RAB11FIP4: variants seen among roughly 807,000 people sequenced by gnomAD.
RAB11FIP4 encodes RAB11 family interacting protein 4.
In RAB11FIP4, 23 loss-of-function variants were observed where a neutral mutation model predicts 74.3. That is an observed-to-expected ratio of 0.31 (90% confidence interval 0.22 to 0.44). The LOEUF (loss-of-function observed/expected upper bound fraction) is 0.44. RAB11FIP4 is among the 20% of genes least tolerant of loss of function. The pLI, the probability that RAB11FIP4 is intolerant of heterozygous loss-of-function variation, is 1.00. For missense variants in RAB11FIP4, 630 were observed against 863.9 expected, an observed-to-expected ratio of 0.73 and a Z score of 3.39; for synonymous variants, 360 against 359.9, an observed-to-expected ratio of 1.00 and a Z score of 0.00.
At chr17:31,523,340 G>A (rs1401263013) in intron 7 of RAB11FIP4, 172 bp from the exon 8 acceptor site, 1 of 650,912 alleles carries the variant, frequency 1.5e-6, no homozygotes, top group East Asian at 2.7e-5. Context: ...CATCCTCTGG[G>A]CGGGGTGATC....
chr17:31,492,073 G>A (rs1414314482), intron 3 of RAB11FIP4, among the ~76,000 whole-genome samples: 2 of 152,230 alleles, frequency 1.3e-5, no homozygotes, highest in Non-Finnish European at 2.9e-5. Flanking sequence ...CTGTCGGGTA[G>A]GGACAGGTCC....
At chr17:31,491,468 G>A (rs2072007213) in intron 3 of RAB11FIP4, among the ~76,000 whole-genome samples, 1 of 152,224 alleles carries the variant, frequency 6.6e-6, no homozygotes, top group Admixed American at 6.5e-5. Context: ...GCAGGGAAGG[G>A]GAGGGAGTGC....
intron 3 of RAB11FIP4, among the ~76,000 whole-genome samples, chr17:31,505,848 G>A (rs879228868): frequency 6.8e-6 from 1 of 146,688 alleles, no homozygotes; most frequent in Non-Finnish European, 1.5e-5. Flanking sequence ...TGAGATTACA[G>A]GCATGCACCA....
intron 3 of RAB11FIP4, among the ~76,000 whole-genome samples, chr17:31,437,177 A>G (rs899515869): frequency 6.6e-6 from 1 of 152,054 alleles, no homozygotes; most frequent in Admixed American, 6.6e-5. Flanking sequence ...AGCCTTGTTC[A>G]TTATGCTCGC....
chr17:31,507,237 C>T (rs2072368300), intron 3 of RAB11FIP4, among the ~76,000 whole-genome samples: 1 of 152,188 alleles, frequency 6.6e-6, no homozygotes, highest in South Asian at 2.1e-4. Flanking sequence ...CAAGATCGTG[C>T]TATTGCACTC....
chr17:31,509,353 C>G (rs2142789613), intron 3 of RAB11FIP4: 1 of 152,376 alleles, frequency 6.6e-6, no homozygotes, highest in East Asian at 1.9e-4. Flanking sequence ...GTCTGCAGGC[C>G]CACCTTAGGA....
chr17:31,493,672 G>A (rs1161862672), intron 3 of RAB11FIP4, among the ~76,000 whole-genome samples: 2 of 152,164 alleles, frequency 1.3e-5, no homozygotes, highest in Admixed American at 1.3e-4. Context: ...GAAAAAATGG[G>A]CGCCAGAAAA....
rs1379606401 is a variant in RAB11FIP4 at position 31,394,828 on chromosome 17, T to C, written c.159+2817T>C. On this transcript the variant is annotated intron_variant, in intron 1 of 14. Coordinates refer to ENST00000621161, the MANE Select transcript of RAB11FIP4 (RefSeq NM_032932.6). ...GGGGTGGTTTTCGGCTTATGCTGTATTGACCGAGACCCGTGGAAATATATT... is the reference window on the plus strand; with the variant it reads ...GGGGTGGTTTTCGGCTTATGCTGTACTGACCGAGACCCGTGGAAATATATT... 4.6e-5 allele frequency among the ~76,000 whole-genome samples: 7 copies of C among 151,086 alleles called. No homozygotes were observed. The South Asian group carries it at 1.0e-3, about 23-fold the overall frequency.
At chr17:31,480,316 G>C (rs960704496) in intron 3 of RAB11FIP4, among the ~76,000 whole-genome samples, 1 of 152,080 alleles carries the variant, frequency 6.6e-6, no homozygotes, top group East Asian at 1.9e-4. Flanking sequence ...GCCAGGCCTC[G>C]GCCCTGAAGG....
intron 1 of RAB11FIP4, among the ~76,000 whole-genome samples, chr17:31,411,852 C>T (rs1009656873): frequency 2.6e-5 from 4 of 152,352 alleles, no homozygotes; most frequent in South Asian, 2.1e-4. Flanking sequence ...GGCGTCCTTC[C>T]GAGGAGAAGG....
At chr17:31,489,594 G>A (rs977344678) in intron 3 of RAB11FIP4, among the ~76,000 whole-genome samples, 3 of 152,112 alleles carry the variant, frequency 2.0e-5, no homozygotes, top group African/African-American at 7.2e-5. Context: ...CATTACACAC[G>A]GGACACTTCC....
At chr17:31,448,411 T>TTTTTTTTTTTTTTTTTCC (rs2071491007) in intron 3 of RAB11FIP4, 1 of 146,118 alleles carries the variant, frequency 6.8e-6, no homozygotes, top group Non-Finnish European at 1.5e-5. Context: ...TTTTTTTTTT[T>TTTTTTTTTTTTTTTTTCC]GGCAGAGACC....
intron 3 of RAB11FIP4, among the ~76,000 whole-genome samples, chr17:31,459,296 T>C (rs1323119043): frequency 1.3e-5 from 2 of 152,128 alleles, no homozygotes; most frequent in African/African-American, 2.4e-5. Context: ...CATGTGGTCT[T>C]GGGCAAAGCA....
chr17:31,476,009 A>T (rs1406917934), intron 3 of RAB11FIP4, among the ~76,000 whole-genome samples: 2 of 152,030 alleles, frequency 1.3e-5, no homozygotes, highest in African/African-American at 4.8e-5. Flanking sequence ...AGACATGCTT[A>T]AAACAAGGTT....
intron 3 of RAB11FIP4, among the ~76,000 whole-genome samples, chr17:31,515,840 G>A (rs946039137): frequency 6.6e-6 from 1 of 152,156 alleles, no homozygotes; most frequent in African/African-American, 2.4e-5. Flanking sequence ...CTCGGTCTAG[G>A]GCCAACTCTG....
rs1567690321 is a variant in RAB11FIP4, at chr17:31,521,324, A to G, written c.722A>G (p.Asn241Ser). The change falls in exon 5 of 15, where the codon AAC becomes AGC. Residue 241 changes from asparagine (N) to serine (S), a missense_variant. By Grantham distance (46) the Asn-to-Ser change is conservative. Coordinates refer to ENST00000621161, the MANE Select transcript of RAB11FIP4 (RefSeq NM_032932.6). ...TGCCCCGATGATGAGACCAGGACCA[A>G]CGTCTACTCGGACCTGGGGTCTTCG... ...SPCPDDETRT[N>S]VYSDLGSSVS... The G allele has an allele frequency of 6.2e-7, 1 of 1,613,238 alleles. No homozygotes were observed. Among genetic ancestry groups the G allele is most frequent in the South Asian group, 1.1e-5 (1 of 91,006 alleles).
rs533909972 is a variant in RAB11FIP4, at chr17:31,394,232, T to C, written c.159+2221T>C. On this transcript the variant is annotated intron_variant, in intron 1 of 14. Transcript: ENST00000621161. ...CTCAATGACACTTCTGTCAGACCTT[T>C]CCAGAGCTGTTTCCATGCTTATATG... 5.5e-4 allele frequency among the ~76,000 whole-genome samples: 84 copies of C among 152,340 alleles called. 1 individual carries two copies. Among genetic ancestry groups the C allele is most frequent in the African/African-American group, 2.0e-3 (83 of 41,578 alleles).
intron 1 of RAB11FIP4, among the ~76,000 whole-genome samples, chr17:31,413,369 G>C (rs1382317998): frequency 6.6e-6 from 1 of 152,064 alleles, no homozygotes; most frequent in Non-Finnish European, 1.5e-5. Flanking sequence ...ACTATGCTGA[G>C]AGCCAGAGAT....
chr17:31,508,257 A>C (rs1175817832), intron 3 of RAB11FIP4, among the ~76,000 whole-genome samples: 1 of 152,206 alleles, frequency 6.6e-6, no homozygotes, highest in African/African-American at 2.4e-5. Flanking sequence ...CAGTGGGATC[A>C]CACCATGGTC....
Sources: gnomAD v4.1 joint callset for allele counts (sites outside exome capture counted in the v4.1 genomes callset) on GRCh38, gnomAD v4.1.1 for gene constraint, MANE v1.5 for transcripts, NCBI Gene and HGNC (gene_info 2026-07-23, HGNC 2026-07-21) for gene names.